Variants in PCDHGA2 observed in about 807,000 individuals in gnomAD.
PCDHGA2 encodes the protein protocadherin gamma subfamily A, 2, also known as protocadherin gamma-A2.
A neutral mutation model predicts 59.2 loss-of-function variants in PCDHGA2; 40 were observed. The ratio of observed to expected loss-of-function variants is 0.68; its 90% CI spans 0.52 to 0.88. The LOEUF (loss-of-function observed/expected upper bound fraction) is 0.88, where lower values mean the gene tolerates loss of function less well. Among genes scored for constraint, PCDHGA2 ranks in the 40% least tolerant of loss-of-function variants. The pLI, the probability that PCDHGA2 is intolerant of heterozygous loss-of-function variation, is 0.00. For synonymous variants in PCDHGA2, 560 were observed against 526.0 expected (o/e 1.06, Z -0.89); for missense variants, 1,226 against 1,204.0 (o/e 1.02, Z -0.27).
At chr5:141,357,606 A>G in intron 1 of PCDHGA2, 1 of 1,614,052 alleles carries the variant, frequency 6.2e-7, no homozygotes, top group Middle Eastern at 1.7e-4. Flanking sequence ...AAACAAAAGG[A>G]GACCCTAATC....
chr5:141,480,381 C>T (rs1018981416), intron 1 of PCDHGA2, among the ~76,000 whole-genome samples: 2 of 151,926 alleles, frequency 1.3e-5, no homozygotes, highest in Non-Finnish European at 2.9e-5. Context: ...CACCACTACA[C>T]TTCAACCATG....
chr5:141,355,099 T>C, intron 1 of PCDHGA2: 2 of 1,497,570 alleles, frequency 1.3e-6, no homozygotes, highest in Non-Finnish European at 8.9e-7. Context: ...CTGAGAGCTC[T>C]GGCTGTGAAT....
intron 1 of PCDHGA2, chr5:141,370,275 C>T (rs1483260334): frequency 2.4e-6 from 2 of 830,416 alleles, no homozygotes; most frequent in African/African-American, 1.7e-5. Flanking sequence ...AGCGGAGACA[C>T]CCATTAGAGA....
chr5:141,475,013 G>C (rs950376592), intron 1 of PCDHGA2, among the ~76,000 whole-genome samples: 1 of 152,176 alleles, frequency 6.6e-6, no homozygotes, highest in Non-Finnish European at 1.5e-5. Flanking sequence ...AAAAGTTAAG[G>C]CTCTTTATTC....
At chr5:141,409,840 G>A (rs1361942011) in intron 1 of PCDHGA2, 3 of 1,611,558 alleles carry the variant, frequency 1.9e-6, no homozygotes, top group African/African-American at 1.3e-5. Flanking sequence ...GCGCCAACGT[G>A]AGCCTGCGCG....
At chr5:141,448,999 GT>G (rs910018882) in intron 1 of PCDHGA2, among the ~76,000 whole-genome samples, 2 of 151,816 alleles carry the variant, frequency 1.3e-5, no homozygotes, top group African/African-American at 4.8e-5. Context: ...ATAGAAAGCT[GT>G]TTTTTTTAAC....
In PCDHGA2 at chr5:141,487,819, C is replaced by A; in HGVS notation, c.2425-6988C>A. 2.3e-6 allele frequency: 3 copies of A among 1,285,528 alleles called. No homozygotes were observed. Among genetic ancestry groups the A allele is most frequent in the Non-Finnish European group, 3.2e-6 (3 of 932,998 alleles). 79.6% of individuals were successfully genotyped at this position (1,285,528 alleles called of 1,614,324 possible). On this transcript the variant is annotated intron_variant, in intron 1 of 3. Transcript: ENST00000394576. This position sits in a 1 kb window ranked among gnomAD's most constrained non-coding sequence, Gnocchi z 5.0. ...AGTTGTCACAGTTTAGCATTGGGGG[C>A]GGGTCATGCCTATATCTGAGTAAGA...
At chr5:141,366,726 C>G (rs761086416) in intron 1 of PCDHGA2, 3 of 1,613,226 alleles carry the variant, frequency 1.9e-6, no homozygotes, top group Admixed American at 3.3e-5. Context: ...AAGGTAGATG[C>G]AAACAAAGAA....
intron 1 of PCDHGA2, chr5:141,374,296 G>C (rs779933812): frequency 6.2e-7 from 1 of 1,613,974 alleles, no homozygotes; most frequent in Non-Finnish European, 8.5e-7. Flanking sequence ...CCAGAGGTAG[G>C]ATGCAGCTTT....
chr5:141,343,732 AAAT>A (rs1483956489), intron 1 of PCDHGA2: 14 of 264,170 alleles, frequency 5.3e-5, no homozygotes, highest in South Asian at 2.8e-4. Flanking sequence ...GATAATTCAA[AAAT>A]AATAATGTGT....
In PCDHGA2 at chr5:141,355,154, C is replaced by G. The variant is rs1314885234; in HGVS notation, c.2424+13759C>G. On this transcript the variant is annotated intron_variant, in intron 1 of 3. Transcript: ENST00000394576. Reference sequence around the variant, plus strand: ...GAAGATCCTGGGGCTCCTCAGGCCTCGACAGAGGGAAAACCGAAGCACAGG... The same window carrying G: ...GAAGATCCTGGGGCTCCTCAGGCCTGGACAGAGGGAAAACCGAAGCACAGG... 11 of 1,551,788 alleles carry G rather than the reference C, an allele frequency of 7.1e-6. No individual in the cohort carries two copies. The Admixed American group carries it at 1.7e-4, about 25-fold the overall frequency.
chr5:141,501,441 A>G (rs547792017), intron 2 of PCDHGA2, among the ~76,000 whole-genome samples: 1 of 151,898 alleles, frequency 6.6e-6, no homozygotes, highest in African/African-American at 2.4e-5. Context: ...CATTTCTTCC[A>G]TTTTTACTTT....
At chr5:141,408,765 G>A (rs1276364659) in intron 1 of PCDHGA2, 1 of 1,611,036 alleles carries the variant, frequency 6.2e-7, no homozygotes, top group East Asian at 2.2e-5. Context: ...AATTCCGATG[G>A]TGGCAAATAC....
At chr5:141,504,302 C>T (rs969760258) in intron 2 of PCDHGA2, among the ~76,000 whole-genome samples, 9 of 152,004 alleles carry the variant, frequency 5.9e-5, no homozygotes, top group African/African-American at 1.5e-4. Context: ...TTTCAACACT[C>T]GGAGTTTCTA....
chr5:141,408,570 T>C (rs1184307323), intron 1 of PCDHGA2: 5 of 1,613,966 alleles, frequency 3.1e-6, no homozygotes, highest in East Asian at 2.2e-5. Context: ...ATTGTGGTGA[T>C]TGAGGATGTT....
At chr5:141,452,193 G>A (rs764434048) in intron 1 of PCDHGA2, among the ~76,000 whole-genome samples, 3 of 151,990 alleles carry the variant, frequency 2.0e-5, no homozygotes, top group Admixed American at 6.6e-5. Context: ...ACCTCAAATT[G>A]TTTTAGATGT....
At chr5:141,383,059 C>A (rs1778767353) in intron 1 of PCDHGA2, 1 of 1,613,894 alleles carries the variant, frequency 6.2e-7, no homozygotes, top group Non-Finnish European at 8.5e-7. Flanking sequence ...GGACCTGGGG[C>A]TGGAGCCCCG....
In PCDHGA2 at chr5:141,410,321, G is replaced by A. The variant is rs749017304; in HGVS notation, c.2424+68926G>A. ...AATCTCAGTGCTCTTCCTCCTCGCC[G>A]TGATTCTGGCCATTGCCTTGCGCCT... On this transcript the variant is annotated intron_variant, in intron 1 of 3. Transcript: ENST00000394576. The A allele has an allele frequency of 3.7e-6, 6 of 1,613,842 alleles. No homozygotes were observed. The East Asian group carries it at 1.1e-4, about 30-fold the overall frequency.
In PCDHGA2 at chr5:141,371,266, T is replaced by C; in HGVS notation, c.2424+29871T>C. ...AATATTGGCAAGGAAGTGAGACAACTGTTCAAGCTGGACAGTAAAACGGGG... is the reference window on the plus strand; with the variant it reads ...AATATTGGCAAGGAAGTGAGACAACCGTTCAAGCTGGACAGTAAAACGGGG... On this transcript the variant is annotated intron_variant, in intron 1 of 3. Transcript: ENST00000394576. 6.2e-7 allele frequency: 1 copy of C among 1,614,030 alleles called. No individual in the cohort carries two copies. Among genetic ancestry groups the C allele is most frequent in the East Asian group, 2.2e-5 (1 of 44,884 alleles).
Sources: allele counts gnomAD v4.1 joint callset (sites outside exome capture counted in the v4.1 genomes callset), GRCh38; gene constraint gnomAD v4.1.1; non-coding constraint Gnocchi (gnomAD v3.1); transcripts MANE v1.5; gene names NCBI Gene and HGNC (gene_info 2026-07-23, HGNC 2026-07-21).